Variants in SKAP1 observed in about 807,000 individuals in gnomAD.
SKAP1 encodes the protein src kinase-associated phosphoprotein 1.
Under a neutral mutation model 58.5 loss-of-function variants are expected in SKAP1, and 44 were observed. That is an observed-to-expected ratio of 0.75 (90% CI 0.59 to 0.97). The LOEUF is 0.97. Among genes scored for constraint, SKAP1 ranks in the 50% least tolerant of loss-of-function variants. SKAP1 has a pLI of 0.00. For synonymous variants in SKAP1, 127 were observed against 149.7 expected (o/e 0.85, Z 1.11); for missense variants, 390 against 435.2 (o/e 0.90, Z 0.92).
chr17:48,216,952 C>G (rs1456418369), intron 4 of SKAP1, among the ~76,000 whole-genome samples: 1 of 152,032 alleles, frequency 6.6e-6, no homozygotes, highest in Non-Finnish European at 1.5e-5. Context: ...AGCAAAAATT[C>G]CATTTTCAGC....
the SKAP1 span, among the ~76,000 whole-genome samples, chr17:48,442,141 G>A: frequency 6.6e-6 from 1 of 152,020 alleles, no homozygotes; most frequent in African/African-American, 2.4e-5. Flanking sequence ...TTCTCATGTC[G>A]GTCCAAGTTG....
chr17:48,334,597 A>G (rs1037248035), intron 4 of SKAP1, among the ~76,000 whole-genome samples: 3 of 151,942 alleles, frequency 2.0e-5, no homozygotes, highest in African/African-American at 4.8e-5. Flanking sequence ...TTAAAAAAAA[A>G]TCAGGCCCAG....
chr17:48,426,547 T>G (rs2067855360), intron 1 of SKAP1, among the ~76,000 whole-genome samples: 1 of 152,240 alleles, frequency 6.6e-6, no homozygotes, highest in Non-Finnish European at 1.5e-5. Context: ...GCAAAGATTA[T>G]GCAAACTGCC....
chr17:48,251,754 TCAC>T (rs1214544710), intron 4 of SKAP1, among the ~76,000 whole-genome samples: 1 of 152,200 alleles, frequency 6.6e-6, no homozygotes, highest in Non-Finnish European at 1.5e-5. Context: ...ATTTCATGTA[TCAC>T]CTCCTGACCT....
intron 2 of SKAP1, among the ~76,000 whole-genome samples, chr17:48,386,052 T>C (rs972733787): frequency 1.3e-5 from 2 of 152,152 alleles, no homozygotes; most frequent in African/African-American, 2.4e-5. Flanking sequence ...ATTAGAGATA[T>C]GTTATTAGAG....
intron 1 of SKAP1, among the ~76,000 whole-genome samples, chr17:48,399,066 C>T (rs1348258532): frequency 2.0e-5 from 3 of 149,186 alleles, no homozygotes; most frequent in African/African-American, 7.4e-5. Context: ...AACAAAAAAT[C>T]CTAAATAGCC....
At chr17:48,205,017 T>C (rs199612288) in intron 4 of SKAP1, among the ~76,000 whole-genome samples, 15 of 25,550 alleles carry the variant, frequency 5.9e-4, no homozygotes, top group East Asian at 2.3e-3. Flanking sequence ...TTCTTTCTTT[T>C]TCTTTCTTTC....
intron 4 of SKAP1, among the ~76,000 whole-genome samples, chr17:48,194,037 C>T (rs1053796607): frequency 7.9e-5 from 12 of 152,060 alleles, no homozygotes; most frequent in East Asian, 3.9e-4. Flanking sequence ...TTGGCTAAGT[C>T]TAAAGGTGTA....
chr17:48,279,625 T>C (rs1431537278), intron 4 of SKAP1, among the ~76,000 whole-genome samples: 2 of 152,238 alleles, frequency 1.3e-5, no homozygotes, highest in African/African-American at 4.8e-5. Flanking sequence ...AAAAGCCTAA[T>C]TATGTGATAA....
At chr17:48,207,452 C>T (rs1247869405) in intron 4 of SKAP1, among the ~76,000 whole-genome samples, 1 of 145,622 alleles carries the variant, frequency 6.9e-6, no homozygotes, top group Middle Eastern at 3.6e-3. Flanking sequence ...CGCCACTACA[C>T]TCCAGTCTGG....
At chr17:48,408,627 A>G (rs1351694424) in intron 1 of SKAP1, among the ~76,000 whole-genome samples, 6 of 152,204 alleles carry the variant, frequency 3.9e-5, no homozygotes. Context: ...ATGTTTCAAT[A>G]CTATTGTTTC....
intron 2 of SKAP1, among the ~76,000 whole-genome samples, chr17:48,385,523 C>T (rs1285682462): frequency 6.6e-6 from 1 of 152,058 alleles, no homozygotes; most frequent in African/African-American, 2.4e-5. Context: ...TGAGCCAATG[C>T]TTCAGTCCTC....
intron 1 of SKAP1, among the ~76,000 whole-genome samples, chr17:48,405,395 T>TTCTG (rs1223239860): frequency 6.5e-4 from 25 of 38,454 alleles, no homozygotes; most frequent in African/African-American, 2.1e-3. Context: ...TCTCTTTCCT[T>TTCTG]TCTTTCTTTC....
intron 4 of SKAP1, among the ~76,000 whole-genome samples, chr17:48,194,887 A>G (rs1434031434): frequency 6.6e-6 from 1 of 152,108 alleles, no homozygotes; most frequent in Non-Finnish European, 1.5e-5. Flanking sequence ...TCATTAAAGT[A>G]CTCATGTAAA....
At chr17:48,403,661 T>C (rs2067531208) in intron 1 of SKAP1, among the ~76,000 whole-genome samples, 4 of 152,108 alleles carry the variant, frequency 2.6e-5, no homozygotes, top group Admixed American at 2.6e-4. Flanking sequence ...GGAAAAATGG[T>C]GTGCTCTAAG....
chr17:48,309,836 T>G (rs1334885681), intron 4 of SKAP1, among the ~76,000 whole-genome samples: 3 of 152,186 alleles, frequency 2.0e-5, no homozygotes, highest in Non-Finnish European at 2.9e-5. Flanking sequence ...TATTTCTATT[T>G]GGAATAATTT....
At chr17:48,318,090 T>C (rs1185585464) in intron 4 of SKAP1, among the ~76,000 whole-genome samples, 1 of 152,214 alleles carries the variant, frequency 6.6e-6, no homozygotes, top group African/African-American at 2.4e-5. Context: ...TTAGATTTCA[T>C]GTAAAGCACC....
chr17:48,332,173 T>C (rs1038621728), intron 4 of SKAP1, among the ~76,000 whole-genome samples: 1 of 152,144 alleles, frequency 6.6e-6, no homozygotes, highest in African/African-American at 2.4e-5. Context: ...CAGCATAGTT[T>C]ATTATATTAT....
At chr17:48,409,435 C>T (rs1208289806) in intron 1 of SKAP1, among the ~76,000 whole-genome samples, 2 of 152,172 alleles carry the variant, frequency 1.3e-5, no homozygotes, top group Admixed American at 6.5e-5. Context: ...GAGGCCGAGG[C>T]GGGCAAATCA....
Sources: gnomAD v4.1 joint callset for allele counts (sites outside exome capture counted in the v4.1 genomes callset) on GRCh38, gnomAD v4.1.1 for gene constraint, MANE v1.5 for transcripts, NCBI Gene and HGNC (gene_info 2026-07-23, HGNC 2026-07-21) for gene names.